LUZP2: variants seen among roughly 807,000 people sequenced by gnomAD.
LUZP2 encodes leucine zipper protein 2.
LUZP2 carries 52 observed loss-of-function variants against 51.6 expected under a neutral mutation model. The ratio of observed to expected loss-of-function variants is 1.01; its 90% confidence interval spans 0.81 to 1.27. The LOEUF is 1.27. LUZP2 is among the 50% of genes most tolerant of loss of function. The pLI, the probability that LUZP2 is intolerant of heterozygous loss-of-function variation, is 0.00. For missense variants in LUZP2, 436 were observed against 395.4 expected (o/e 1.10, Z -0.87); for synonymous variants, 154 against 137.3 (o/e 1.12, Z -0.85).
chr11:24,728,488 T>A (rs1479725740), intron 1 of LUZP2, among the ~76,000 whole-genome samples: 1 of 151,978 alleles, frequency 6.6e-6, no homozygotes, highest in Non-Finnish European at 1.5e-5. Flanking sequence ...GTCACCTGTT[T>A]TCCTGTTTTT....
chr11:25,046,817 A>G (rs1204115740), intron 9 of LUZP2, among the ~76,000 whole-genome samples: 1 of 152,210 alleles, frequency 6.6e-6, no homozygotes, highest in Non-Finnish European at 1.5e-5. Context: ...AAGTATAGAT[A>G]CAAACCATAT....
intron 4 of LUZP2, among the ~76,000 whole-genome samples, chr11:24,749,128 T>C (rs1859485760): frequency 6.6e-6 from 1 of 152,192 alleles, no homozygotes; most frequent in Non-Finnish European, 1.5e-5. Context: ...TGTATTACTA[T>C]AGAAACAGCT....
At chr11:24,551,135 T>C (rs1364605902) in intron 1 of LUZP2, among the ~76,000 whole-genome samples, 2 of 152,102 alleles carry the variant, frequency 1.3e-5, no homozygotes, top group Non-Finnish European at 2.9e-5. Context: ...TTTAAGCCTA[T>C]GTTTGGAAAC....
chr11:24,796,023 T>G (rs1487906070), intron 5 of LUZP2, among the ~76,000 whole-genome samples: 1 of 152,132 alleles, frequency 6.6e-6, no homozygotes, highest in African/African-American at 2.4e-5. Context: ...CTGTATAAAC[T>G]TATTTTGAGT....
At chr11:24,519,183 T>TCATA in intron 1 of LUZP2, among the ~76,000 whole-genome samples, 1 of 152,308 alleles carries the variant, frequency 6.6e-6, no homozygotes, top group South Asian at 2.1e-4. Context: ...GCTCTCACAG[T>TCATA]CATACCATCC....
intron 4 of LUZP2, among the ~76,000 whole-genome samples, chr11:24,762,093 G>A (rs576390642): frequency 0.022 from 16 of 730 alleles, no homozygotes; most frequent in African/African-American, 0.041. Context: ...GGCATTTTAC[G>A]TATTCTTGTT....
chr11:24,599,208 G>T (rs1853543052), intron 1 of LUZP2, among the ~76,000 whole-genome samples: 1 of 152,104 alleles, frequency 6.6e-6, no homozygotes, highest in African/African-American at 2.4e-5. Context: ...AAGAAAAGAT[G>T]CTGAAAAAGA....
chr11:24,707,425 C>A (rs901747465), intron 1 of LUZP2, among the ~76,000 whole-genome samples: 3 of 151,880 alleles, frequency 2.0e-5, no homozygotes, highest in African/African-American at 7.3e-5. Flanking sequence ...TAACAGTTGT[C>A]AAATGTTGTT....
At chr11:24,693,929 A>G (rs903784040) in intron 1 of LUZP2, among the ~76,000 whole-genome samples, 2 of 152,100 alleles carry the variant, frequency 1.3e-5, no homozygotes, top group African/African-American at 4.8e-5. Context: ...GAAGAAAAAA[A>G]TTAAAAGGAT....
chr11:24,790,701 C>T (rs1266015986), intron 5 of LUZP2, among the ~76,000 whole-genome samples: 2 of 152,050 alleles, frequency 1.3e-5, no homozygotes, highest in African/African-American at 4.8e-5. Context: ...GGGGTTTCAC[C>T]GTGTTGGCTA....
At chr11:24,521,889 A>T (rs1165202434) in intron 1 of LUZP2, among the ~76,000 whole-genome samples, 1 of 152,184 alleles carries the variant, frequency 6.6e-6, no homozygotes, top group Non-Finnish European at 1.5e-5. Context: ...AACGTTTCAT[A>T]GCGAGCATGC....
At chr11:24,508,675 C>T (rs943825333) in intron 1 of LUZP2, among the ~76,000 whole-genome samples, 1 of 152,046 alleles carries the variant, frequency 6.6e-6, no homozygotes, top group East Asian at 1.9e-4. Context: ...GTCTCAGTTC[C>T]TCAGACTCAT....
intron 5 of LUZP2, among the ~76,000 whole-genome samples, chr11:24,890,304 A>G (rs1324330344): frequency 6.6e-6 from 1 of 152,088 alleles, no homozygotes; most frequent in Non-Finnish European, 1.5e-5. Flanking sequence ...CTGTTTATCA[A>G]ACTTAATTAC....
chr11:24,580,181 G>A (rs1334805621), intron 1 of LUZP2, among the ~76,000 whole-genome samples: 2 of 152,008 alleles, frequency 1.3e-5, no homozygotes, highest in Admixed American at 6.6e-5. Flanking sequence ...ATGTTTAGGC[G>A]CACATCTGCA....
At chr11:24,900,900 A>AT (rs1853259735) in intron 5 of LUZP2, among the ~76,000 whole-genome samples, 1 of 152,102 alleles carries the variant, frequency 6.6e-6, no homozygotes, top group South Asian at 2.1e-4. Context: ...TTTGTCTAAG[A>AT]TTTTCCCTTT....
chr11:24,718,294 G>A (rs976891492), intron 1 of LUZP2, among the ~76,000 whole-genome samples: 3 of 152,308 alleles, frequency 2.0e-5, no homozygotes, highest in Non-Finnish European at 4.4e-5. Context: ...AACCCAAGGT[G>A]AGACAGAGTT....
At chr11:24,538,616 TAC>T (rs1413721446) in intron 1 of LUZP2, among the ~76,000 whole-genome samples, 1 of 149,650 alleles carries the variant, frequency 6.7e-6, no homozygotes, top group African/African-American at 2.4e-5. Context: ...TTCTACAAAA[TAC>T]ACACATATAT....
chr11:24,761,485 A>G (rs1222724101), intron 4 of LUZP2, among the ~76,000 whole-genome samples: 1 of 152,154 alleles, frequency 6.6e-6, no homozygotes, highest in Non-Finnish European at 1.5e-5. Flanking sequence ...CCCAAGACAC[A>G]TCATCCAGTA....
chr11:24,800,546 A>AC (rs1849668025), intron 5 of LUZP2, among the ~76,000 whole-genome samples: 1 of 148,682 alleles, frequency 6.7e-6, no homozygotes, highest in Admixed American at 6.7e-5. Context: ...AACTCAAAAA[A>AC]AAAAAAATAC....
Sources: gnomAD v4.1 joint callset for allele counts (sites outside exome capture counted in the v4.1 genomes callset) on GRCh38, gnomAD v4.1.1 for gene constraint, MANE v1.5 for transcripts, NCBI Gene and HGNC (gene_info 2026-07-23, HGNC 2026-07-21) for gene names.